The following SALL3 variants were observed in gnomAD, a reference collection of about 807,000 sequenced individuals.
SALL3 encodes the protein spalt like transcription factor 3, also known as sal-like protein 3.
In SALL3, 25 loss-of-function variants were observed where a neutral mutation model predicts 66.2. The observed-to-expected ratio is 0.38, with a 90% confidence interval of 0.28 to 0.53. The LOEUF (loss-of-function observed/expected upper bound fraction) is 0.53. Ranked by LOEUF, SALL3 falls within the 20% of genes least tolerant of loss-of-function variation. The probability of loss-of-function intolerance (pLI) is 0.85; values close to 1 mark genes in which losing one functional copy is unlikely to be tolerated. For synonymous variants in SALL3, 1,152 were observed against 899.1 expected, an observed-to-expected ratio of 1.28 and a Z score of -5.03; for missense variants, 2,194 against 1,916.5, an observed-to-expected ratio of 1.14 and a Z score of -2.70.
At position 78,994,252 on chromosome 18, in the gene SALL3, T is replaced by A; in HGVS notation, c.2261T>A (p.Leu754Gln). 6.2e-7 allele frequency: 1 copy of A among 1,613,760 alleles called. No individual in the cohort carries two copies. Among genetic ancestry groups the A allele is most frequent in the Middle Eastern group, 1.6e-4 (1 of 6,062 alleles). ...CQKKFTNAVV[L>Q]QQHIRMHMGG... ...AAGAAGTTCACCAACGCCGTGGTCC[T>A]GCAGCAGCACATCCGCATGCACATG... Residue 754 changes from leucine to glutamine, a missense_variant, in exon 2 of 3, where the codon CTG (leucine) becomes CAG (glutamine). Transcript: ENST00000537592.
In SALL3 at chr18:78,993,051, G is replaced by C. The variant is rs970557086; in HGVS notation, c.1060G>C (p.Ala354Pro). ...PALAPGSLLG[A>P]APGLPSPLLP... ...CCTGGCCCCGGGGTCCCTGCTGGGT[G>C]CGGCGCCCGGCCTGCCAAGTCCGCT... Residue 354 changes from alanine (A) to proline (P), a missense_variant, in exon 2 of 3, where the codon GCG (alanine) becomes CCG (proline). By Grantham distance (27) the Ala-to-Pro change is conservative. Coordinates refer to ENST00000537592, the MANE Select transcript of SALL3 (RefSeq NM_171999.4). 15 of 1,583,830 alleles carry C rather than the reference G, an allele frequency of 9.5e-6. No homozygotes were observed. The African/African-American group carries it at 1.7e-4, about 18-fold the overall frequency.
intron 1 of SALL3, among the ~76,000 whole-genome samples, chr18:78,983,680 T>C (rs1914149351): frequency 6.6e-6 from 1 of 152,220 alleles, no homozygotes; most frequent in African/African-American, 2.4e-5. Context: ...TTTTCTTTTA[T>C]CTGTATATGC....
chr18:78,994,841 C>T lies in SALL3; in HGVS notation c.2850C>T (p.Ala950=). 6.3e-7 allele frequency: 1 copy of T among 1,598,386 alleles called. No individual in the cohort carries two copies. Among genetic ancestry groups the T allele is most frequent in the Non-Finnish European group, 8.5e-7 (1 of 1,172,822 alleles). The change falls in exon 2 of 3, where the codon GCC becomes GCT. Residue 950 remains alanine, a synonymous_variant. Transcript: ENST00000537592. The part of the protein sequence containing the change: ...SPAAAPGSGG[A]PGRAGIKEEA... ...CCGCCGCCCCGGGCAGCGGAGGCGC[C>T]CCTGGCCGCGCGGGCATCAAGGAGG...
rs770535644 is a variant in SALL3, at chr18:78,995,225, C to T, written c.3234C>T (p.Pro1078=). The T allele has an allele frequency of 3.7e-6, 6 of 1,605,594 alleles. No homozygotes were observed. Among genetic ancestry groups the T allele is most frequent in the African/African-American group, 1.3e-5 (1 of 74,914 alleles). Residue 1078 remains proline (P), a synonymous_variant, in exon 2 of 3, where the codon CCC becomes CCT. Coordinates refer to ENST00000537592, the MANE Select transcript of SALL3 (RefSeq NM_171999.4). The stretch of plus-strand genomic sequence containing the variant: ...AGGCCATGGCGCTGGGCGAGGGTCC[C>T]CCGCTGCCCGCGGGCGTCCAGGTCC... ...HGKAMALGEG[P]PLPAGVQVPA... is the part of the protein sequence containing the mutation.
In SALL3 at chr18:78,993,492, A is replaced by T; in HGVS notation, c.1501A>T (p.Met501Leu). ...CACCTGCTCGGGCATCCCCTACGGC[A>T]TGTCGCTGCCCCCCGAGAAGCCCGT... ...VPTCSGIPYG[M>L]SLPPEKPVTT... The change falls in exon 2 of 3, where the codon ATG (methionine) becomes TTG (leucine). Residue 501 changes from methionine (M) to leucine (L), a missense_variant. By Grantham distance (15) the Met-to-Leu change is conservative (BLOSUM62 2). Coordinates refer to ENST00000537592, the MANE Select transcript of SALL3 (RefSeq NM_171999.4). The T allele has an allele frequency of 6.2e-7, 1 of 1,609,614 alleles. No homozygotes were observed. Among genetic ancestry groups the T allele is most frequent in the South Asian group, 1.1e-5 (1 of 90,758 alleles).
At chr18:78,982,817 CATATT>C (rs755858591) in intron 1 of SALL3, among the ~76,000 whole-genome samples, 8 of 152,102 alleles carry the variant, frequency 5.3e-5, no homozygotes, top group Non-Finnish European at 8.8e-5. Context: ...CGGGGAGTGA[CATATT>C]AATTAAAGCA....
chr18:78,997,354 C>T lies in SALL3; in HGVS notation c.*32C>T. Reference sequence around the variant, plus strand: ...ACTCGCTCATCTGCCCTGCCCAGGCCCACGTTTTGAAGTTGGAGCATCAGG... The same window carrying T: ...ACTCGCTCATCTGCCCTGCCCAGGCTCACGTTTTGAAGTTGGAGCATCAGG... On this transcript the variant is annotated 3_prime_UTR_variant, in exon 3 of 3. Coordinates refer to ENST00000537592, the MANE Select transcript of SALL3 (RefSeq NM_171999.4). The T allele has an allele frequency of 6.3e-7, 1 of 1,587,562 alleles. No homozygotes were observed. Among genetic ancestry groups the T allele is most frequent in the Non-Finnish European group, 8.6e-7 (1 of 1,162,436 alleles).
intron 1 of SALL3, among the ~76,000 whole-genome samples, chr18:78,980,849 G>A (rs1247362081): frequency 1.3e-5 from 2 of 152,166 alleles, no homozygotes; most frequent in Non-Finnish European, 2.9e-5. Flanking sequence ...CGCCTCGGGT[G>A]ACCCGCGGTG....
chr18:78,994,674 G>C lies in SALL3; in HGVS notation c.2683G>C (p.Ala895Pro). 6.2e-7 allele frequency: 1 copy of C among 1,608,800 alleles called. No homozygotes were observed. Among genetic ancestry groups the C allele is most frequent in the Non-Finnish European group, 8.5e-7 (1 of 1,179,518 alleles). Residue 895 changes from alanine to proline, a missense_variant, in exon 2 of 3, where the codon GCC becomes CCC. Coordinates refer to ENST00000537592, the MANE Select transcript of SALL3 (RefSeq NM_171999.4). ...DLESRSAGSP[A>P]LSESSSSQAL... ...GGAGAGCCGCAGCGCGGGCAGCCCCGCCCTGTCCGAGTCCTCGTCCTCGCA... is the reference window on the plus strand; with the variant it reads ...GGAGAGCCGCAGCGCGGGCAGCCCCCCCCTGTCCGAGTCCTCGTCCTCGCA...
rs996366616 is a variant in SALL3 at position 78,992,769 on chromosome 18, G to A, written c.778G>A (p.Gly260Arg). Reference protein sequence around the residue: ...APGPAPSQLPGLAALPLSAGA... With the variant: ...APGPAPSQLPRLAALPLSAGA... Reference sequence around the variant, plus strand: ...GGGCCCGGCCCCCAGCCAGCTGCCCGGGCTGGCCGCGCTCCCGCTGTCGGC... The same window carrying A: ...GGGCCCGGCCCCCAGCCAGCTGCCCAGGCTGGCCGCGCTCCCGCTGTCGGC... Residue 260 changes from glycine to arginine, a missense_variant, in exon 2 of 3, where the codon GGG (glycine) becomes AGG (arginine). Physicochemically the swap from Gly to Arg is moderately radical, Grantham distance 125 (BLOSUM62 -2). Transcript: ENST00000537592. 3.9e-5 allele frequency: 41 copies of A among 1,045,210 alleles called. No homozygotes were observed. Among genetic ancestry groups the A allele is most frequent in the Non-Finnish European group, 4.5e-5 (39 of 869,576 alleles). The allele number at this position is 1,045,210 out of a possible 1,614,324, so 64.7% of individuals were successfully genotyped here.
Position 78,993,778 on chromosome 18 carries a change from C to T in SALL3, c.1787C>T (p.Ala596Val). 3 of 1,549,714 alleles carry T rather than the reference C, an allele frequency of 1.9e-6. No individual in the cohort carries two copies. The South Asian group carries it at 3.6e-5, about 19-fold the overall frequency. ...CTCGGCGGGCCGCCCCTCACTAAAG[C>T]CGAGCCCGTCAGCCTGCCCTGCACC... The part of the protein sequence containing the change: ...SLLGGPPLTK[A>V]EPVSLPCTNA... Residue 596 changes from alanine (A) to valine (V), a missense_variant, in exon 2 of 3, where the codon GCC becomes GTC. Coordinates refer to ENST00000537592, the MANE Select transcript of SALL3 (RefSeq NM_171999.4).
chr18:78,994,210 C>A lies in SALL3; in HGVS notation c.2219C>A (p.Ser740Tyr). The A allele has an allele frequency of 6.2e-7, 1 of 1,613,602 alleles. No homozygotes were observed. The highest frequency in any genetic ancestry group is 8.5e-7 in the Non-Finnish European group (1 of 1,179,992). ...AAGCCGCCCCTGCGCGTGCAGCACT[C>A]CTGCCCCATCTGCCAGAAGAAGTTC... is the stretch of plus-strand genomic sequence containing the variant. ...RAKPPLRVQH[S>Y]CPICQKKFTN... is the part of the protein sequence containing the mutation. The change falls in exon 2 of 3, where the codon TCC becomes TAC. Residue 740 changes from serine (S) to tyrosine (Y), a missense_variant. Coordinates refer to ENST00000537592, the MANE Select transcript of SALL3 (RefSeq NM_171999.4).
At chr18:78,987,433 T>C (rs1914280988) in intron 1 of SALL3, among the ~76,000 whole-genome samples, 1 of 152,218 alleles carries the variant, frequency 6.6e-6, no homozygotes, top group African/African-American at 2.4e-5. Flanking sequence ...TATGCTTTTG[T>C]TAGAGGTTTT....
chr18:78,995,265 A>G lies in SALL3; in HGVS notation c.3274A>G (p.Thr1092Ala). 1.9e-6 allele frequency: 3 copies of G among 1,594,826 alleles called. No individual in the cohort carries two copies. Among genetic ancestry groups the G allele is most frequent in the Non-Finnish European group, 2.6e-6 (3 of 1,175,774 alleles). The change falls in exon 2 of 3, where the codon ACA (threonine) becomes GCA (alanine). Residue 1092 changes from threonine (T) to alanine (A), a missense_variant. Coordinates refer to ENST00000537592, the MANE Select transcript of SALL3 (RefSeq NM_171999.4). Reference sequence around the variant, plus strand: ...CGTCCAGGTCCCCGCCGGGCCTCAGACAGTGATGGGCCCGGGCCTGGCGCC... The same window carrying G: ...CGTCCAGGTCCCCGCCGGGCCTCAGGCAGTGATGGGCCCGGGCCTGGCGCC... The part of the protein sequence containing the change: ...AGVQVPAGPQ[T>A]VMGPGLAPML...
intron 1 of SALL3, among the ~76,000 whole-genome samples, chr18:78,985,486 T>G (rs887847579): frequency 6.6e-6 from 1 of 152,216 alleles, no homozygotes; most frequent in Admixed American, 6.5e-5. Flanking sequence ...TGTTGTAGGA[T>G]CTGTATACGT....
chr18:78,988,865 C>T (rs1914335607), intron 1 of SALL3, among the ~76,000 whole-genome samples: 1 of 152,024 alleles, frequency 6.6e-6, no homozygotes, highest in Non-Finnish European at 1.5e-5. Flanking sequence ...AATTTTTTTC[C>T]TTCATTAATA....
In SALL3 at chr18:78,997,427, A is replaced by G. The variant is rs1450608840; in HGVS notation, c.*105A>G. On this transcript the variant is annotated 3_prime_UTR_variant, in exon 3 of 3. Coordinates refer to ENST00000537592, the MANE Select transcript of SALL3 (RefSeq NM_171999.4). ...TTCTCATTACACTTTCACCCATAGC[A>G]GAAAACACTTTGTGCGGCTGCCGAG... is the stretch of plus-strand genomic sequence containing the variant. 4.2e-6 allele frequency: 5 copies of G among 1,189,564 alleles called. No homozygotes were observed. Among genetic ancestry groups the G allele is most frequent in the Non-Finnish European group, 4.8e-6 (4 of 830,562 alleles). The allele number at this position is 1,189,564 out of a possible 1,614,324, so 73.7% of individuals were successfully genotyped here. A position where few individuals can be genotyped will look rare whatever the true frequency, so the allele number is the denominator to read the frequency against.
At position 78,993,359 on chromosome 18, in the gene SALL3, C is replaced by G. The variant is rs1351929580; in HGVS notation, c.1368C>G (p.Arg456=). Reference sequence around the variant, plus strand: ...TCAAGTGCAACATCTGCGGGAACCGCTTCTCCACCAAAGGCAACCTGAAGG... The same window carrying G: ...TCAAGTGCAACATCTGCGGGAACCGGTTCTCCACCAAAGGCAACCTGAAGG... The part of the protein sequence containing the change: ...RPFKCNICGN[R]FSTKGNLKVH... Residue 456 remains arginine (R), a synonymous_variant, in exon 2 of 3, where the codon CGC becomes CGG. Coordinates refer to ENST00000537592, the MANE Select transcript of SALL3 (RefSeq NM_171999.4). 2 of 1,612,512 alleles carry G rather than the reference C, an allele frequency of 1.2e-6. No homozygotes were observed. Among genetic ancestry groups the G allele is most frequent in the Non-Finnish European group, 1.7e-6 (2 of 1,179,866 alleles).
intron 1 of SALL3, 91 bp downstream of exon 1, chr18:78,980,447 C>T (rs1214318868): frequency 1.3e-5 from 10 of 759,966 alleles, no homozygotes; most frequent in South Asian, 8.9e-5. Context: ...TGCGCGCGTC[C>T]GGGAGCGGGA....
Sources: allele counts gnomAD v4.1 joint callset (sites outside exome capture counted in the v4.1 genomes callset), GRCh38; gene constraint gnomAD v4.1.1; transcripts MANE v1.5; gene names NCBI Gene and HGNC (gene_info 2026-07-23, HGNC 2026-07-21).